KCNMB3: variants seen among roughly 807,000 people sequenced by gnomAD.
KCNMB3 encodes the protein calcium-activated potassium channel subunit beta-3.
A neutral mutation model predicts 11.9 loss-of-function variants in KCNMB3; 18 were observed. The observed-to-expected ratio is 1.51, with a 90% CI of 1.04 to 2.23. The LOEUF is 2.23. Among genes scored for constraint, KCNMB3 ranks in the 30% most tolerant of loss-of-function variants. KCNMB3 has a pLI of 0.00. For synonymous variants in KCNMB3, 78 were observed against 119.2 expected, an observed-to-expected ratio of 0.65 and a Z score of 2.25; for missense variants, 247 against 329.4, an observed-to-expected ratio of 0.75 and a Z score of 1.94.
chr3:179,263,109 G>A (rs995460139), intron 1 of KCNMB3, among the ~76,000 whole-genome samples: 2 of 152,212 alleles, frequency 1.3e-5, no homozygotes, highest in African/African-American at 4.8e-5. Flanking sequence ...AGGGGGCAGC[G>A]CTCATCAGGG....
chr3:179,245,666 A>AT lies in KCNMB3; in HGVS notation c.249-974dup, dbSNP rs201510750. Among the ~76,000 whole-genome samples, 819 of 151,946 alleles carry AT rather than the reference A, an allele frequency of 5.4e-3. 23 individuals carry two copies. In the South Asian group the frequency reaches 0.064, roughly 12 times the overall value. On this transcript the variant is annotated intron_variant, in intron 1 of 2. Coordinates refer to ENST00000392685, the MANE Select transcript of KCNMB3 (RefSeq NM_171830.2). ...AGGTGCGCACCATCACGCCCAGCTAATTTTTTGTATTTTTAGTAGAGATGG... is the reference window on the plus strand; with the variant it reads ...AGGTGCGCACCATCACGCCCAGCTAATTTTTTTGTATTTTTAGTAGAGATGG...
rs779357771 is a variant in KCNMB3, at chr3:179,244,585, G to T, written c.357C>A (p.Tyr119Ter). 1.2e-5 allele frequency: 19 copies of T among 1,614,076 alleles called. 2 individuals carry two copies. The South Asian group carries it at 2.1e-4, about 18-fold the overall frequency. ...GGTTCACAAACACCTGAAGACACGGGTACTTCCCCTGACCGTGGCAGTGCA... is the reference window on the plus strand; with the variant it reads ...GGTTCACAAACACCTGAAGACACGGTTACTTCCCCTGACCGTGGCAGTGCA... ...CGVHCHGQGK[Y>*]PCLQVFVNLS... Residue 119 changes from tyrosine (Y) to a stop codon, truncating the protein, a stop_gained, in exon 2 of 3, where the codon TAC (tyrosine) becomes TAA (stop). Transcript: ENST00000392685. LOFTEE classifies it high-confidence loss of function.
At chr3:179,259,872 C>T (rs1164523054) in intron 1 of KCNMB3, 5 of 1,613,130 alleles carry the variant, frequency 3.1e-6, no homozygotes, top group Admixed American at 1.7e-5. Flanking sequence ...GCTCTCAGTT[C>T]CTGCTGGAGA....
upstream of KCNMB3, among the ~76,000 whole-genome samples, chr3:179,253,836 A>T (rs905385557): frequency 1.2e-4 from 19 of 152,196 alleles, no homozygotes; most frequent in South Asian, 1.0e-3. Flanking sequence ...AAATTTAAAA[A>T]TTTTTTTAAA....
chr3:179,251,317 T>C, upstream of KCNMB3: 6 of 1,443,078 alleles, frequency 4.2e-6, no homozygotes, highest in Non-Finnish European at 5.4e-6. Context: ...GAATTCCACA[T>C]GGAAAGAATG....
downstream of KCNMB3, chr3:179,242,067 G>A (rs539261993): frequency 6.5e-6 from 1 of 153,628 alleles, no homozygotes; most frequent in East Asian, 1.9e-4. Flanking sequence ...GAATTTTCTA[G>A]GCAGCAGCTT....
At chr3:179,240,064 G>A (rs1485291937), downstream of KCNMB3, 19 of 1,535,620 alleles carry the variant, frequency 1.2e-5, no homozygotes, top group African/African-American at 1.4e-5. Context: ...GTAACATCAC[G>A]CTGTTTATTA....
intron 1 of KCNMB3, chr3:179,259,026 A>G: frequency 6.2e-7 from 1 of 1,613,872 alleles, no homozygotes; most frequent in South Asian, 1.1e-5. Context: ...AGCTTAGGAC[A>G]TGGTACGGTC....
At chr3:179,251,572 G>A, upstream of KCNMB3, 2 of 1,296,466 alleles carry the variant, frequency 1.5e-6, no homozygotes, top group Non-Finnish European at 1.9e-6. Flanking sequence ...CACTGTGCCT[G>A]CAAACCTGCT....
rs763187036 is a variant in KCNMB3 at position 179,258,973 on chromosome 3, C to T, written c.62+7676G>A. 2.2e-5 allele frequency: 36 copies of T among 1,614,000 alleles called. No individual in the cohort carries two copies. In the East Asian group the frequency reaches 6.9e-4, roughly 31 times the overall value. On this transcript the variant is annotated intron_variant, in intron 1 of 3. Coordinates refer to the KCNMB3 transcript ENST00000349697. ...ATTGGCAGTGGAGAGAAAAGAGCCC[C>T]TCACACTCAGACTTCCTGTGCACCA...
In KCNMB3 at chr3:179,246,790, T is replaced by C. The variant is rs79178079; in HGVS notation, c.249-2097A>G. 6.2e-3 allele frequency among the ~76,000 whole-genome samples: 951 copies of C among 152,372 alleles called. 3 individuals are homozygous for C. The highest frequency in any genetic ancestry group is 0.011 in the Non-Finnish European group (734 of 68,032). ...TGACCGAGTACTGAACTGAGTATGA[T>C]TTGAATTTTCCTTAAAGATTTTAGA... On this transcript the variant is annotated intron_variant, in intron 1 of 2. Transcript: ENST00000392685.
chr3:179,261,786 C>G (rs1288473309), intron 1 of KCNMB3, among the ~76,000 whole-genome samples: 1 of 151,576 alleles, frequency 6.6e-6, no homozygotes, highest in African/African-American at 2.4e-5. Context: ...CTGAAGTTTT[C>G]AACTTACAGT....
Position 179,250,941 on chromosome 3 carries a change from G to C in KCNMB3, c.50C>G (p.Pro17Arg). The C allele has an allele frequency of 1.2e-6, 2 of 1,614,144 alleles. No homozygotes were observed. The highest frequency in any genetic ancestry group is 1.6e-4 in the Middle Eastern group (1 of 6,062). Reference protein sequence around the residue: ...ELTAVSPSPFPQRTAFPASGK... With the variant: ...ELTAVSPSPFRQRTAFPASGK... The stretch of plus-strand genomic sequence containing the variant: ...TGAGGCAGGAAAGGCTGTCCTTTGG[G>C]GAAAGGGAGAAGGAGATACTGCAGT... The change falls in exon 1 of 3, where the codon CCC becomes CGC. Residue 17 changes from proline (P) to arginine (R), a missense_variant. Physicochemically the swap from Pro to Arg is moderately radical, Grantham distance 103 (BLOSUM62 -2). This residue lies in a region of KCNMB3 where 160 missense variants were observed against 157.5 expected (regional missense o/e 1.02). Transcript: ENST00000392685.
upstream of KCNMB3, chr3:179,251,657 A>C (rs1725848477): frequency 8.0e-7 from 1 of 1,242,994 alleles, no homozygotes; most frequent in Non-Finnish European, 1.0e-6. Context: ...AAGGTCGCAA[A>C]CCGGTGGGCA....
chr3:179,259,265 G>A lies in KCNMB3; in HGVS notation c.62+7384C>T, dbSNP rs542428624. The A allele has an allele frequency of 6.9e-5, 106 of 1,537,456 alleles. No individual in the cohort carries two copies. The African/African-American group carries it at 9.1e-4, about 13-fold the overall frequency. On this transcript the variant is annotated intron_variant, in intron 1 of 3. Coordinates refer to the KCNMB3 transcript ENST00000349697. The stretch of plus-strand genomic sequence containing the variant: ...GTGAGGGACTTTCATTTTTGGGTAC[G>A]GTGCAGTGATCTGCATCTTCGCTCT...
chr3:179,263,800 C>CTTTTT (rs60270913), intron 1 of KCNMB3, among the ~76,000 whole-genome samples: 1,569 of 59,972 alleles, frequency 0.026, 4 homozygotes, highest in Non-Finnish European at 0.03. Context: ...TTTTTCTTTT[C>CTTTTT]TTTTTTTTTT....
intron 1 of KCNMB3, chr3:179,266,624 G>A (rs375263748): frequency 6.2e-7 from 1 of 1,613,648 alleles, no homozygotes; most frequent in Non-Finnish European, 8.5e-7. Context: ...TCCCACTACC[G>A]GCAGAGCTTC....
chr3:179,244,378 C>T (rs1725563619), intron 2 of KCNMB3, 117 bp downstream of exon 2: 1 of 745,956 alleles, frequency 1.3e-6, no homozygotes, highest in South Asian at 1.7e-5. Flanking sequence ...TAAAAATGTT[C>T]ACTCCAAAAA....
upstream of KCNMB3, among the ~76,000 whole-genome samples, chr3:179,254,217 A>T (rs1442508887): frequency 2.6e-5 from 4 of 152,194 alleles, no homozygotes; most frequent in Non-Finnish European, 5.9e-5. Flanking sequence ...TTGAACTGGA[A>T]ATAGCCCCTC....
Sources: gnomAD v4.1 joint callset for allele counts (sites outside exome capture counted in the v4.1 genomes callset) on GRCh38, gnomAD v4.1.1 for gene constraint, gnomAD v4.1.1 regional missense constraint, MANE v1.5 for transcripts, NCBI Gene and HGNC (gene_info 2026-07-23, HGNC 2026-07-21) for gene names.